Variants in MTR observed in about 807,000 individuals in gnomAD.
MTR encodes 5-methyltetrahydrofolate-homocysteine methyltransferase.
Under a neutral mutation model 154.8 loss-of-function variants are expected in MTR, and 84 were observed. That is an observed-to-expected ratio of 0.54 (90% CI 0.45 to 0.65). MTR has a LOEUF of 0.65. Ranked by LOEUF, MTR falls within the 30% of genes least tolerant of loss-of-function variation. MTR has a pLI of 0.00. For missense variants in MTR, 1,275 were observed against 1,570.2 expected, an observed-to-expected ratio of 0.81 and a Z score of 3.18; for synonymous variants, 554 against 553.9, an observed-to-expected ratio of 1.00 and a Z score of 0.00.
At chr1:236,852,254 TGC>T (rs912978242) in intron 16 of MTR, among the ~76,000 whole-genome samples, 5 of 88,596 alleles carry the variant, frequency 5.6e-5, no homozygotes, top group Non-Finnish European at 9.5e-5. Context: ...TTTGTCTTTC[TGC>T]GTGTGTGTGT....
chr1:236,890,828 C>T (rs1418552982), intron 28 of MTR, among the ~76,000 whole-genome samples: 1 of 152,238 alleles, frequency 6.6e-6, no homozygotes, highest in Non-Finnish European at 1.5e-5. Context: ...TGCTCTTTCT[C>T]ATCCTCTCTG....
At chr1:236,884,692 G>A (rs1370935457) in intron 25 of MTR, among the ~76,000 whole-genome samples, 1 of 152,096 alleles carries the variant, frequency 6.6e-6, no homozygotes, top group Non-Finnish European at 1.5e-5. Context: ...TTGGGGGTTG[G>A]TCACATAGGC....
chr1:236,868,841 C>T (rs1664963703), intron 22 of MTR, among the ~76,000 whole-genome samples: 1 of 152,150 alleles, frequency 6.6e-6, no homozygotes, highest in African/African-American at 2.4e-5. Context: ...CATGATTGTA[C>T]CTAAGTCAAA....
At chr1:236,860,217 C>T (rs999581791) in intron 19 of MTR, among the ~76,000 whole-genome samples, 1 of 152,046 alleles carries the variant, frequency 6.6e-6, no homozygotes, top group African/African-American at 2.4e-5. Context: ...CAGCCCCAAA[C>T]CACAAAGAAT....
chr1:236,814,886 A>G (rs575628296), intron 6 of MTR, among the ~76,000 whole-genome samples: 2 of 152,358 alleles, frequency 1.3e-5, no homozygotes, highest in East Asian at 3.9e-4. Context: ...TTTCCATGAA[A>G]AAAACCTACC....
In MTR at chr1:236,897,758, C is replaced by A. The variant is rs1003683444; in HGVS notation, c.*114C>A. On this transcript the variant is annotated 3_prime_UTR_variant, in exon 33 of 33. Coordinates refer to ENST00000366577, the MANE Select transcript of MTR (RefSeq NM_000254.3). ...CTGTGTGCATCTGGCTGACACTTAC[C>A]TGCTTCTGGTTTTCGAAGACTATTT... 2.3e-6 allele frequency: 2 copies of A among 876,486 alleles called. No individual in the cohort carries two copies. Among genetic ancestry groups the A allele is most frequent in the East Asian group, 2.5e-5 (1 of 40,314 alleles). 54.3% of individuals were successfully genotyped at this position (876,486 alleles called of 1,614,324 possible).
intron 24 of MTR, among the ~76,000 whole-genome samples, chr1:236,879,108 T>C (rs1364313037): frequency 6.6e-6 from 1 of 152,232 alleles, no homozygotes; most frequent in Non-Finnish European, 1.5e-5. Context: ...ATATTACACC[T>C]ATAACAGTCT....
intron 27 of MTR, among the ~76,000 whole-genome samples, chr1:236,887,404 A>G (rs1193471014): frequency 6.6e-6 from 1 of 152,130 alleles, no homozygotes; most frequent in Non-Finnish European, 1.5e-5. Context: ...TTTACCACGT[A>G]AAAAAAGGAG....
chr1:236,877,373 A>G (rs755321499), intron 24 of MTR, among the ~76,000 whole-genome samples: 7 of 152,188 alleles, frequency 4.6e-5, no homozygotes, highest in Non-Finnish European at 7.4e-5. Flanking sequence ...GAAATAGAAC[A>G]CTAATGGCAC....
At position 236,900,018 on chromosome 1, in the gene MTR, C is replaced by A; in HGVS notation, c.*2374C>A. 4.4e-6 allele frequency: 1 copy of A among 225,792 alleles called. No individual in the cohort carries two copies. The highest frequency in any genetic ancestry group is 5.9e-5 in the South Asian group (1 of 17,014). 14.0% of individuals were successfully genotyped at this position (225,792 alleles called of 1,614,324 possible). A position where few individuals can be genotyped will look rare whatever the true frequency, so the allele number is the denominator to read the frequency against. On this transcript the variant is annotated 3_prime_UTR_variant, in exon 33 of 33. Coordinates refer to ENST00000366577, the MANE Select transcript of MTR (RefSeq NM_000254.3). ...TTAAAAAACAATTATCCCTTACAGACTTGAACATTTGCAGACGTTATGATC... is the reference window on the plus strand; with the variant it reads ...TTAAAAAACAATTATCCCTTACAGAATTGAACATTTGCAGACGTTATGATC...
intron 15 of MTR, among the ~76,000 whole-genome samples, chr1:236,846,759 G>A (rs1045714397): frequency 3.3e-5 from 5 of 151,728 alleles, no homozygotes; most frequent in Non-Finnish European, 5.9e-5. Context: ...TTTTCCCTTT[G>A]GTATTGATTT....
chr1:236,840,524 C>T (rs1418086230), intron 15 of MTR, among the ~76,000 whole-genome samples: 2 of 152,164 alleles, frequency 1.3e-5, no homozygotes, highest in African/African-American at 4.8e-5. Context: ...TATAAGACCC[C>T]TCTGAGGAGG....
At chr1:236,806,017 A>C in intron 2 of MTR, 127 bp from the exon 3 acceptor site, 1 of 778,746 alleles carries the variant, frequency 1.3e-6, no homozygotes, top group Non-Finnish European at 2.2e-6. Flanking sequence ...CTTCTAATGC[A>C]GTGCCTTACT....
chr1:236,816,393 A>C, intron 7 of MTR, 56 bp from the exon 8 acceptor site: 12 of 1,390,782 alleles, frequency 8.6e-6, no homozygotes, highest in Non-Finnish European at 1.2e-5. Context: ...TTGCCTTTAT[A>C]TCTATATTCT....
intron 9 of MTR, among the ~76,000 whole-genome samples, chr1:236,825,066 G>A (rs1396330675): frequency 6.6e-6 from 1 of 151,024 alleles, no homozygotes; most frequent in Non-Finnish European, 1.5e-5. Context: ...GGGGTTGGGG[G>A]TATTCTGTTC....
At chr1:236,855,669 C>T (rs1043005609) in intron 18 of MTR, among the ~76,000 whole-genome samples, 1 of 152,174 alleles carries the variant, frequency 6.6e-6, no homozygotes, top group African/African-American at 2.4e-5. Context: ...CCGTGAGGCC[C>T]CTGTGAGGCA....
At chr1:236,897,343 C>CACACACACACACAT (rs1366033407) in intron 32 of MTR, among the ~76,000 whole-genome samples, 2 of 139,854 alleles carry the variant, frequency 1.4e-5, no homozygotes, top group Non-Finnish European at 3.0e-5. Context: ...CACACACACA[C>CACACACACACACAT]ATACAGCTTC....
chr1:236,817,747 C>T (rs1661682098), intron 8 of MTR, among the ~76,000 whole-genome samples: 1 of 152,138 alleles, frequency 6.6e-6, no homozygotes, highest in African/African-American at 2.4e-5. Context: ...TTACAGGGTG[C>T]ATCTTACAGT....
chr1:236,828,079 G>A (rs559125494), intron 11 of MTR, among the ~76,000 whole-genome samples: 110 of 152,146 alleles, frequency 7.2e-4, no homozygotes, highest in Admixed American at 2.3e-3. Flanking sequence ...CCAGGTTCAC[G>A]CCATTCTCCT....
Sources: allele counts gnomAD v4.1 joint callset (sites outside exome capture counted in the v4.1 genomes callset), GRCh38; gene constraint gnomAD v4.1.1; transcripts MANE v1.5; gene names NCBI Gene and HGNC (gene_info 2026-07-23, HGNC 2026-07-21).